DCUN1D2: variants seen among roughly 807,000 people sequenced by gnomAD.
The protein encoded by DCUN1D2 is DCN1-like protein 2.
In DCUN1D2, 29 loss-of-function variants were observed where a neutral mutation model predicts 30.9. The ratio of observed to expected loss-of-function variants is 0.94; its 90% CI spans 0.70 to 1.28. DCUN1D2 has a LOEUF of 1.28. Among genes scored for constraint, DCUN1D2 ranks in the 50% most tolerant of loss-of-function variants. The pLI is 0.00. For synonymous variants in DCUN1D2, 121 were observed against 115.3 expected, an observed-to-expected ratio of 1.05 and a Z score of -0.32; for missense variants, 325 against 316.9, an observed-to-expected ratio of 1.03 and a Z score of -0.19.
At chr13:113,471,552 T>TATG (rs1378896647) in intron 4 of DCUN1D2, among the ~76,000 whole-genome samples, 2 of 152,162 alleles carry the variant, frequency 1.3e-5, no homozygotes, top group Admixed American at 6.5e-5. Flanking sequence ...CAGCAGCATA[T>TATG]ATGAGAACAC....
At chr13:113,489,546 C>T (rs192841650) in intron 1 of DCUN1D2, among the ~76,000 whole-genome samples, 1 of 152,218 alleles carries the variant, frequency 6.6e-6, no homozygotes, top group Admixed American at 6.5e-5. Flanking sequence ...CTACCAGCCC[C>T]CTCTCAGTCT....
chr13:113,489,051 A>T, intron 1 of DCUN1D2: 1 of 928,020 alleles, frequency 1.1e-6, no homozygotes, highest in African/African-American at 1.8e-5. Flanking sequence ...TGTAAAATGG[A>T]AAGAAATTAC....
chr13:113,473,278 G>C (rs538133308), intron 4 of DCUN1D2, among the ~76,000 whole-genome samples: 1 of 152,142 alleles, frequency 6.6e-6, no homozygotes, highest in Non-Finnish European at 1.5e-5. Flanking sequence ...GCCCTCTCAG[G>C]TGATCACTGC....
chr13:113,481,932 T>C (rs1393495685), intron 2 of DCUN1D2, among the ~76,000 whole-genome samples: 1 of 151,912 alleles, frequency 6.6e-6, no homozygotes, highest in African/African-American at 2.4e-5. Flanking sequence ...CTAACTCTAT[T>C]CTCTTATATC....
intron 1 of DCUN1D2, among the ~76,000 whole-genome samples, chr13:113,489,580 T>C (rs1253752817): frequency 1.3e-5 from 2 of 152,120 alleles, no homozygotes; most frequent in Non-Finnish European, 2.9e-5. Flanking sequence ...TCTCCCATCC[T>C]GAAGCTTGTC....
Position 113,474,136 on chromosome 13 carries a change from G to C in DCUN1D2, c.508C>G (p.Gln170Glu), listed in dbSNP as rs1445549132. The C allele has an allele frequency of 2.5e-6, 4 of 1,613,852 alleles. No individual in the cohort carries two copies. Among genetic ancestry groups the C allele is most frequent in the Non-Finnish European group, 3.4e-6 (4 of 1,179,904 alleles). Residue 170 changes from glutamine to glutamate, a missense_variant, in exon 4 of 7, where the codon CAG (glutamine) becomes GAG (glutamate). Transcript: ENST00000478244. The part of the protein sequence containing the change: ...FTFTFAKNPG[Q>E]KGLDLEMAVA... ...ATTTCATACTCACCTAAACCTTTCTGCCCTGGGTTCTTAGCGAAGGTGAAG... is the reference window on the plus strand; with the variant it reads ...ATTTCATACTCACCTAAACCTTTCTCCCCTGGGTTCTTAGCGAAGGTGAAG...
At position 113,457,775 on chromosome 13, in the gene DCUN1D2, T is replaced by C. The variant is rs1190721113; in HGVS notation, c.*254A>G. The C allele has an allele frequency of 9.1e-6, 4 of 441,970 alleles. No homozygotes were observed. The East Asian group carries it at 1.4e-4, about 16-fold the overall frequency. The allele number at this position is 441,970 out of a possible 1,614,324, so 27.4% of individuals were successfully genotyped here. A position where few individuals can be genotyped will look rare whatever the true frequency, so the allele number is the denominator to read the frequency against. On this transcript the variant is annotated 3_prime_UTR_variant, in exon 7 of 7. Coordinates refer to ENST00000478244, the MANE Select transcript of DCUN1D2 (RefSeq NM_001014283.2). ...GTATTTTGTAAATATTAAAAAATCATGCAGAAATTTCCTAACGCAAAAGCT... is the reference window on the plus strand; with the variant it reads ...GTATTTTGTAAATATTAAAAAATCACGCAGAAATTTCCTAACGCAAAAGCT...
rs943371057 is a variant in DCUN1D2, at chr13:113,483,809, T to C, written c.220+31A>G. Reference sequence around the variant, plus strand: ...CGCAGGCCGCTCGCGGAGGCCGACATCCGTCCGGCTTTGCTGCAGTCTCCT... The same window carrying C: ...CGCAGGCCGCTCGCGGAGGCCGACACCCGTCCGGCTTTGCTGCAGTCTCCT... On this transcript the variant is annotated intron_variant, in intron 2 of 6. Coordinates refer to ENST00000478244, the MANE Select transcript of DCUN1D2 (RefSeq NM_001014283.2). The C allele has an allele frequency of 8.1e-6, 13 of 1,600,562 alleles. No individual in the cohort carries two copies. The African/African-American group carries it at 1.6e-4, about 20-fold the overall frequency.
At chr13:113,468,527 T>C (rs1460480322) in intron 4 of DCUN1D2, among the ~76,000 whole-genome samples, 2 of 152,114 alleles carry the variant, frequency 1.3e-5, no homozygotes, top group African/African-American at 4.8e-5. Flanking sequence ...GTTAAAATGG[T>C]TAAAAGACAA....
intron 3 of DCUN1D2, 152 bp downstream of exon 3, chr13:113,480,423 T>C: frequency 1.8e-6 from 1 of 565,114 alleles, no homozygotes; most frequent in Non-Finnish European, 2.8e-6. Context: ...AACCAAAGGC[T>C]TGATAGTGCG....
intron 4 of DCUN1D2, among the ~76,000 whole-genome samples, chr13:113,466,021 G>T (rs915094866): frequency 6.6e-6 from 1 of 152,154 alleles, no homozygotes; most frequent in Non-Finnish European, 1.5e-5. Flanking sequence ...GAGTAGCTGG[G>T]ACTACAGGTG....
Position 113,490,553 on chromosome 13 carries a change from C to T in DCUN1D2, c.3+114G>A. On this transcript the variant is annotated intron_variant, in intron 1 of 6. Transcript: ENST00000478244. This position sits in a 1 kb window ranked among gnomAD's most constrained non-coding sequence, Gnocchi z 5.2. ...TCCTCCCTCGGATCCACGCGGAACG[C>T]CCCGCGCAGCTCGCTGGGCTCGGCC... The T allele has an allele frequency of 1.9e-6, 2 of 1,061,470 alleles. No individual in the cohort carries two copies. The highest frequency in any genetic ancestry group is 2.4e-6 in the Non-Finnish European group (2 of 835,152). The allele number at this position is 1,061,470 out of a possible 1,614,324, so 65.8% of individuals were successfully genotyped here.
Position 113,490,120 on chromosome 13 carries a change from A to G in DCUN1D2, c.3+547T>C, listed in dbSNP as rs2044914360. Among the ~76,000 whole-genome samples the G allele has an allele frequency of 6.6e-6, 1 of 152,098 alleles. No homozygotes were observed. The highest frequency in any genetic ancestry group is 2.4e-5 in the African/African-American group (1 of 41,422). On this transcript the variant is annotated intron_variant, in intron 1 of 6. Coordinates refer to ENST00000478244, the MANE Select transcript of DCUN1D2 (RefSeq NM_001014283.2). This position sits in a 1 kb window ranked among gnomAD's most constrained non-coding sequence, Gnocchi z 5.2. ...TGCGCTGCGGAACTCTACCAGCTCC[A>G]CAGATGCACACCTACAGCCACGCTA... is the stretch of plus-strand genomic sequence containing the variant.
At chr13:113,485,867 A>G (rs1337836284) in intron 1 of DCUN1D2, among the ~76,000 whole-genome samples, 2 of 152,252 alleles carry the variant, frequency 1.3e-5, no homozygotes, top group African/African-American at 4.8e-5. Flanking sequence ...TCATTCTCAC[A>G]GAGTGCACAG....
chr13:113,485,332 CAA>C (rs1425798396), intron 1 of DCUN1D2, among the ~76,000 whole-genome samples: 1 of 152,048 alleles, frequency 6.6e-6, no homozygotes, highest in Non-Finnish European at 1.5e-5. Context: ...CATAACTTAA[CAA>C]AAGTATATAG....
At position 113,490,565 on chromosome 13, in the gene DCUN1D2, C is replaced by T. The variant is rs2044943952; in HGVS notation, c.3+102G>A. Reference sequence around the variant, plus strand: ...TCCACGCGGAACGCCCCGCGCAGCTCGCTGGGCTCGGCCTCCCACATCCAG... The same window carrying T: ...TCCACGCGGAACGCCCCGCGCAGCTTGCTGGGCTCGGCCTCCCACATCCAG... On this transcript the variant is annotated intron_variant, in intron 1 of 6. Transcript: ENST00000478244. The surrounding 1 kb of genome is among the most constrained non-coding windows in gnomAD (Gnocchi z 5.2). 1 of 1,112,546 alleles carries T rather than the reference C, an allele frequency of 9.0e-7. No individual in the cohort carries two copies. Among genetic ancestry groups the T allele is most frequent in the African/African-American group, 1.6e-5 (1 of 60,918 alleles). 68.9% of individuals were successfully genotyped at this position (1,112,546 alleles called of 1,614,324 possible). A position where few individuals can be genotyped will look rare whatever the true frequency, so the allele number is the denominator to read the frequency against.
chr13:113,490,393 A>G lies in DCUN1D2; in HGVS notation c.3+274T>C. 3.3e-6 allele frequency: 1 copy of G among 307,256 alleles called. No homozygotes were observed. The highest frequency in any genetic ancestry group is 7.6e-5 in the South Asian group (1 of 13,102). 19.0% of individuals were successfully genotyped at this position (307,256 alleles called of 1,614,324 possible). A position where few individuals can be genotyped will look rare whatever the true frequency, so the allele number is the denominator to read the frequency against. The stretch of plus-strand genomic sequence containing the variant: ...CCGCTCGGCCCCGGCCCCTGCCCCA[A>G]GGCCCCTACAGTTCCTCCCGGCCCC... On this transcript the variant is annotated intron_variant, in intron 1 of 6. Transcript: ENST00000478244. The surrounding 1 kb of genome is among the most constrained non-coding windows in gnomAD (Gnocchi z 5.2).
At chr13:113,468,445 G>A (rs1312882551) in intron 4 of DCUN1D2, among the ~76,000 whole-genome samples, 1 of 152,174 alleles carries the variant, frequency 6.6e-6, no homozygotes, top group East Asian at 1.9e-4. Flanking sequence ...AAAGTTCTGG[G>A]AATGAATACT....
rs2139666408 is a variant in DCUN1D2, at chr13:113,457,477, C to T, written c.*552G>A. 1 of 152,308 alleles carries T rather than the reference C, an allele frequency of 6.6e-6. No homozygotes were observed. The highest frequency in any genetic ancestry group is 1.9e-4 in the East Asian group (1 of 5,186). 9.4% of individuals were successfully genotyped at this position (152,308 alleles called of 1,614,324 possible). On this transcript the variant is annotated 3_prime_UTR_variant, in exon 7 of 7. Coordinates refer to ENST00000478244, the MANE Select transcript of DCUN1D2 (RefSeq NM_001014283.2). ...GAAAACAAAAATAGAGCTGGTAAAT[C>T]TAGATATTTGGTAATTCAAAAAATA...
Sources: gnomAD v4.1 joint callset for allele counts (sites outside exome capture counted in the v4.1 genomes callset) on GRCh38, gnomAD v4.1.1 for gene constraint, Gnocchi (gnomAD v3.1) non-coding constraint, MANE v1.5 for transcripts, NCBI Gene and HGNC (gene_info 2026-07-23, HGNC 2026-07-21) for gene names.